The following PKNOX2 variants were observed in gnomAD, a reference collection of about 807,000 sequenced individuals.
The protein encoded by PKNOX2 is PBX/knotted 1 homeobox 2, also known as homeobox protein PKNOX2.
A neutral mutation model predicts 53.1 loss-of-function variants in PKNOX2; 14 were observed. That is an observed-to-expected ratio of 0.26 (90% CI 0.17 to 0.41). The LOEUF (loss-of-function observed/expected upper bound fraction) is 0.41. PKNOX2 is among the 10% of genes least tolerant of loss of function. The pLI is 1.00. For missense variants in PKNOX2, 496 were observed against 602.8 expected (o/e 0.82, Z 1.85); for synonymous variants, 257 against 242.8 (o/e 1.06, Z -0.54).
At chr11:125,393,246 G>A (rs1954186764) in intron 6 of PKNOX2, among the ~76,000 whole-genome samples, 1 of 151,746 alleles carries the variant, frequency 6.6e-6, no homozygotes, top group African/African-American at 2.4e-5. Context: ...CATATAGTAA[G>A]ACTCAATACT....
chr11:125,293,362 C>G (rs1379049564), intron 2 of PKNOX2, among the ~76,000 whole-genome samples: 1 of 152,182 alleles, frequency 6.6e-6, no homozygotes, highest in Non-Finnish European at 1.5e-5. Flanking sequence ...TGAAATGTAG[C>G]TCTCCCTACC....
At chr11:125,182,245 G>C (rs1265954372) in intron 1 of PKNOX2, among the ~76,000 whole-genome samples, 3 of 152,178 alleles carry the variant, frequency 2.0e-5, no homozygotes, top group African/African-American at 7.2e-5. Context: ...AACCTGGGCA[G>C]GCAGTTGGTT....
At chr11:125,200,178 C>A (rs1425414672) in intron 1 of PKNOX2, among the ~76,000 whole-genome samples, 2 of 152,336 alleles carry the variant, frequency 1.3e-5, no homozygotes, top group East Asian at 3.9e-4. Flanking sequence ...GACCAGAGGG[C>A]CCCACTGCCA....
In PKNOX2 at chr11:125,235,165, G is replaced by A. The variant is rs568082407; in HGVS notation, c.-130+50G>A. ...CCATGCTGACTCAATAAGGTTAGGG[G>A]TTAAAGACCAGCCCTGAACCTGATC... On this transcript the variant is annotated intron_variant, in intron 2 of 12. Coordinates refer to ENST00000298282, the MANE Select transcript of PKNOX2 (RefSeq NM_001382323.2). The A allele has an allele frequency of 3.9e-5, 6 of 152,720 alleles. No homozygotes were observed. In the East Asian group the frequency reaches 1.2e-3, roughly 29 times the overall value. The allele number at this position is 152,720 out of a possible 1,614,324, so 9.5% of individuals were successfully genotyped here. A position where few individuals can be genotyped will look rare whatever the true frequency, so the allele number is the denominator to read the frequency against.
chr11:125,200,587 G>A (rs975429027), intron 1 of PKNOX2, among the ~76,000 whole-genome samples: 8 of 152,218 alleles, frequency 5.3e-5, no homozygotes, highest in East Asian at 1.9e-4. Flanking sequence ...AGTGCCTCCC[G>A]CCGGTTCCCA....
rs140576751 is a variant in PKNOX2, at chr11:125,395,715, G to C, written c.400-2159G>C. On this transcript the variant is annotated intron_variant, in intron 6 of 12. Transcript: ENST00000298282. Reference sequence around the variant, plus strand: ...CTTCTCTTGTGCTTATTTGCCATCTGTATATCCTCTTCAGTGAAATGTCTA... The same window carrying C: ...CTTCTCTTGTGCTTATTTGCCATCTCTATATCCTCTTCAGTGAAATGTCTA... Among the ~76,000 whole-genome samples the C allele has an allele frequency of 9.9e-5, 15 of 152,198 alleles. No individual in the cohort carries two copies. The East Asian group carries it at 2.7e-3, about 27-fold the overall frequency.
At chr11:125,313,378 T>C (rs906606547) in intron 2 of PKNOX2, among the ~76,000 whole-genome samples, 1 of 152,178 alleles carries the variant, frequency 6.6e-6, no homozygotes, top group African/African-American at 2.4e-5. Context: ...TGAACTCTCC[T>C]GTCCCAAGTA....
intron 10 of PKNOX2, among the ~76,000 whole-genome samples, chr11:125,414,096 T>C (rs1955732915): frequency 1.3e-5 from 2 of 152,128 alleles, no homozygotes; most frequent in Non-Finnish European, 2.9e-5. Context: ...TCTCCTTCCT[T>C]GTGAGCCTCC....
intron 4 of PKNOX2, among the ~76,000 whole-genome samples, chr11:125,353,841 C>T (rs986678816): frequency 6.6e-6 from 1 of 152,116 alleles, no homozygotes; most frequent in East Asian, 1.9e-4. Flanking sequence ...GCCCAAATTG[C>T]CATTGGCCTT....
chr11:125,281,465 A>G (rs1488740049), intron 2 of PKNOX2, among the ~76,000 whole-genome samples: 4 of 152,178 alleles, frequency 2.6e-5, no homozygotes, highest in East Asian at 1.9e-4. Flanking sequence ...CATGATAGGC[A>G]GGCCTGGATT....
chr11:125,222,715 ATGTG>A (rs541803532), intron 1 of PKNOX2, among the ~76,000 whole-genome samples: 2 of 124,140 alleles, frequency 1.6e-5, no homozygotes, highest in Non-Finnish European at 3.3e-5. Flanking sequence ...TGTGCTGTGT[ATGTG>A]TGTGTGTATG....
chr11:125,354,895 G>A (rs1027172802), intron 4 of PKNOX2, among the ~76,000 whole-genome samples: 2 of 152,252 alleles, frequency 1.3e-5, no homozygotes, highest in South Asian at 2.1e-4. Context: ...AGTCCATCCC[G>A]GAGAAACTTT....
intron 2 of PKNOX2, among the ~76,000 whole-genome samples, chr11:125,265,680 C>A (rs987872721): frequency 6.6e-6 from 1 of 152,178 alleles, no homozygotes; most frequent in Non-Finnish European, 1.5e-5. Flanking sequence ...GGGGTCTAAG[C>A]CCCTCAGCTC....
At chr11:125,428,080 C>T (rs1956514170) in intron 10 of PKNOX2, among the ~76,000 whole-genome samples, 1 of 152,170 alleles carries the variant, frequency 6.6e-6, no homozygotes, top group Admixed American at 6.5e-5. Flanking sequence ...TTTTGCTTTC[C>T]TTCACTCAGC....
intron 1 of PKNOX2, among the ~76,000 whole-genome samples, chr11:125,201,844 C>T (rs1312133668): frequency 6.6e-6 from 1 of 152,162 alleles, no homozygotes; most frequent in African/African-American, 2.4e-5. Flanking sequence ...GCATTTCCCC[C>T]AAGAGCCCAG....
At chr11:125,391,653 C>T (rs1186189844) in intron 6 of PKNOX2, among the ~76,000 whole-genome samples, 1 of 152,182 alleles carries the variant, frequency 6.6e-6, no homozygotes, top group African/African-American at 2.4e-5. Flanking sequence ...AAATAAGAAA[C>T]CCCATTTTTG....
In PKNOX2 at chr11:125,166,267, G is replaced by A. The variant is rs1954868291; in HGVS notation, c.-201+1491G>A. 1.3e-5 allele frequency among the ~76,000 whole-genome samples: 2 copies of A among 152,142 alleles called. No homozygotes were observed. The highest frequency in any genetic ancestry group is 2.4e-5 in the African/African-American group (1 of 41,426). The stretch of plus-strand genomic sequence containing the variant: ...TATTGGAATTTGGGGAGGGTAGCAC[G>A]AGGGGTCCTGCAGCTCCGCGTGTGA... On this transcript the variant is annotated intron_variant, in intron 1 of 12. Coordinates refer to ENST00000298282, the MANE Select transcript of PKNOX2 (RefSeq NM_001382323.2). This position sits in a 1 kb window ranked among gnomAD's most constrained non-coding sequence, Gnocchi z 4.0.
intron 2 of PKNOX2, among the ~76,000 whole-genome samples, chr11:125,291,738 G>C (rs558013869): frequency 6.6e-6 from 1 of 152,144 alleles, no homozygotes; most frequent in South Asian, 2.1e-4. Flanking sequence ...ACCATCAAAA[G>C]GAATAGAGTT....
chr11:125,431,116 G>C, intron 12 of PKNOX2, 50 bp from the exon 13 acceptor site: 1 of 1,586,500 alleles, frequency 6.3e-7, no homozygotes, highest in Non-Finnish European at 8.6e-7. Flanking sequence ...AGAGGTGCTG[G>C]CCCTGACCAG....
Sources: allele counts gnomAD v4.1 joint callset (sites outside exome capture counted in the v4.1 genomes callset), GRCh38; gene constraint gnomAD v4.1.1; non-coding constraint Gnocchi (gnomAD v3.1); transcripts MANE v1.5; gene names NCBI Gene and HGNC (gene_info 2026-07-23, HGNC 2026-07-21).